The following CFAP57 variants were observed in gnomAD, a reference collection of about 807,000 sequenced individuals.
The protein encoded by CFAP57 is cilia- and flagella-associated protein 57.
A neutral mutation model predicts 146.8 loss-of-function variants in CFAP57; 116 were observed. That is an observed-to-expected ratio of 0.79 (90% CI 0.68 to 0.92). The LOEUF (loss-of-function observed/expected upper bound fraction) is 0.92. Among genes scored for constraint, CFAP57 ranks in the 40% least tolerant of loss-of-function variants. The pLI, the probability that CFAP57 is intolerant of heterozygous loss-of-function variation, is 0.00. For synonymous variants in CFAP57, 518 were observed against 552.8 expected (o/e 0.94, Z 0.88); for missense variants, 1,377 against 1,527.2 (o/e 0.90, Z 1.64).
In CFAP57 at chr1:43,234,350, A is replaced by G. The variant is rs1166504624; in HGVS notation, c.3198A>G (p.Glu1066=). 5 of 1,550,422 alleles carry G rather than the reference A, an allele frequency of 3.2e-6. No homozygotes were observed. The highest frequency in any genetic ancestry group is 3.9e-5 in the Admixed American group (2 of 50,976). The change falls in exon 20 of 23, where the codon GAA becomes GAG. Residue 1066 remains glutamate, a synonymous_variant. Transcript: ENST00000372492. ...ACAACTGCGTAGCCTATATTCAGGA[A>G]CCGCGGCTGCTGAAGGAGAAGGTTC... ...DLHNCVAYIQ[E]PRLLKEKVRG...
rs866683796 is a variant in CFAP57, at chr1:43,238,569, C to T, written c.3405+3931C>T. Among the ~76,000 whole-genome samples, 3 of 152,108 alleles carry T rather than the reference C, an allele frequency of 2.0e-5. No homozygotes were observed. The highest frequency in any genetic ancestry group is 4.4e-5 in the Non-Finnish European group (3 of 68,020). On this transcript the variant is annotated intron_variant, in intron 21 of 22. Coordinates refer to ENST00000372492, the MANE Select transcript of CFAP57 (RefSeq NM_001378189.1). The surrounding 1 kb of genome is among the most constrained non-coding windows in gnomAD (Gnocchi z 4.3). ...AGGGAGAGATCAGGAAGAGAAGGCT[C>T]GGCAAACCCATTGCATTCACATTTT...
chr1:43,207,102 A>G (rs1644392000), intron 10 of CFAP57, among the ~76,000 whole-genome samples, 170 bp downstream of exon 10: 1 of 152,208 alleles, frequency 6.6e-6, no homozygotes, highest in Admixed American at 6.5e-5. Flanking sequence ...AGTTATCGTC[A>G]CTTCCTGAAT....
chr1:43,197,658 G>T lies in CFAP57; in HGVS notation c.1228G>T (p.Asp410Tyr). 1 of 1,614,110 alleles carries T rather than the reference G, an allele frequency of 6.2e-7. No individual in the cohort carries two copies. The highest frequency in any genetic ancestry group is 8.5e-7 in the Non-Finnish European group (1 of 1,180,026). The change falls in exon 7 of 23, where the codon GAT becomes TAT. Residue 410 changes from aspartate to tyrosine, a missense_variant. Asp to Tyr is a radical substitution (Grantham distance 160). Transcript: ENST00000372492. ...ACCCCTTATAGCCACCTGTTCTCTG[G>T]ATCGATCCATCCGCCTTTGGAATTA... ...RKPLIATCSLDRSIRLWNYET... is the reference protein window; with the variant it reads ...RKPLIATCSLYRSIRLWNYET...
chr1:43,250,219 C>T (rs965295954), intron 22 of CFAP57: 1 of 152,098 alleles, frequency 6.6e-6, no homozygotes, highest in Non-Finnish European at 1.5e-5. Flanking sequence ...ATAATTTTAC[C>T]TTAGAACTCT....
At position 43,172,380 on chromosome 1, in the gene CFAP57, CG is replaced by C; in HGVS notation, c.-90del. Reference sequence around the variant, plus strand: ...AACCGCTACGGCGTTTGAAAGTGTCCGGGTTGCTTAGGATCCCTACAGGTAG... The same window carrying C: ...AACCGCTACGGCGTTTGAAAGTGTCCGGTTGCTTAGGATCCCTACAGGTAG... On this transcript the variant is annotated 5_prime_UTR_variant, in exon 1 of 23. Transcript: ENST00000372492. The C allele has an allele frequency of 6.4e-7, 1 of 1,551,480 alleles. No homozygotes were observed. Among genetic ancestry groups the C allele is most frequent in the African/African-American group, 1.4e-5 (1 of 73,080 alleles).
At chr1:43,202,484 A>G (rs1158768570) in intron 9 of CFAP57, among the ~76,000 whole-genome samples, 1 of 152,178 alleles carries the variant, frequency 6.6e-6, no homozygotes, top group Non-Finnish European at 1.5e-5. Context: ...TATAGACATT[A>G]AAAAGATCTG....
At chr1:43,221,707 T>C (rs752916471) in intron 14 of CFAP57, among the ~76,000 whole-genome samples, 7 of 152,226 alleles carry the variant, frequency 4.6e-5, no homozygotes, top group African/African-American at 7.2e-5. Flanking sequence ...GTTTGGAACC[T>C]GATAGTCTTG....
At chr1:43,198,777 G>A (rs2124426776) in intron 8 of CFAP57, 131 bp downstream of exon 8, 2 of 913,414 alleles carry the variant, frequency 2.2e-6, no homozygotes, top group Non-Finnish European at 3.4e-6. Context: ...TTAAAAAAAG[G>A]GGGAAGGAGG....
intron 12 of CFAP57, among the ~76,000 whole-genome samples, chr1:43,219,131 G>C (rs1185609429): frequency 1.3e-5 from 2 of 152,200 alleles, no homozygotes; most frequent in African/African-American, 4.8e-5. Flanking sequence ...AGATGCTTAA[G>C]CCGACTTGAA....
chr1:43,200,850 A>G (rs964998185), intron 9 of CFAP57, among the ~76,000 whole-genome samples: 1 of 152,218 alleles, frequency 6.6e-6, no homozygotes, highest in Non-Finnish European at 1.5e-5. Context: ...AGGTGACGAG[A>G]AACAACGGAA....
In CFAP57 at chr1:43,172,903, C is replaced by A; in HGVS notation, c.150C>A (p.Phe50Leu). 5.6e-6 allele frequency: 9 copies of A among 1,613,918 alleles called. No homozygotes were observed. Among genetic ancestry groups the A allele is most frequent in the South Asian group, 1.1e-5 (1 of 91,072 alleles). The change falls in exon 2 of 23, where the codon TTC becomes TTA. Residue 50 changes from phenylalanine (F) to leucine (L), a missense_variant. Coordinates refer to ENST00000372492, the MANE Select transcript of CFAP57 (RefSeq NM_001378189.1). Reference protein sequence around the residue: ...KYNVDQKWQKFIPGSEKSQGM... With the variant: ...KYNVDQKWQKLIPGSEKSQGM... ...ATGTGGATCAGAAATGGCAAAAATT[C>A]ATTCCAGGTAAAACTTTTTCCATCC...
At chr1:43,181,885 T>C (rs1199114019) in intron 3 of CFAP57, 35 bp downstream of exon 3, 2 of 1,606,592 alleles carry the variant, frequency 1.2e-6, no homozygotes, top group South Asian at 1.1e-5. Context: ...GTGAAAATTA[T>C]AAAAAATAGA....
chr1:43,232,078 C>T, intron 18 of CFAP57: 1 of 701,728 alleles, frequency 1.4e-6, no homozygotes, highest in Non-Finnish European at 2.6e-6. Flanking sequence ...TGACCCCATT[C>T]TAAAGTGGCC....
intron 18 of CFAP57, among the ~76,000 whole-genome samples, chr1:43,229,896 G>C (rs1645400496): frequency 6.6e-6 from 1 of 152,148 alleles, no homozygotes; most frequent in African/African-American, 2.4e-5. Flanking sequence ...GGTCCCCTGG[G>C]GGGTGCAAAA....
chr1:43,217,384 C>T (rs1392017090), intron 12 of CFAP57, among the ~76,000 whole-genome samples: 2 of 152,060 alleles, frequency 1.3e-5, no homozygotes, highest in East Asian at 1.9e-4. Flanking sequence ...TGTCAAAGGC[C>T]GGGTCATTCC....
chr1:43,206,455 C>A, intron 9 of CFAP57: 1 of 484,158 alleles, frequency 2.1e-6, no homozygotes, highest in Non-Finnish European at 3.7e-6. Flanking sequence ...TTGGTTCTAG[C>A]CTTAAGAAAC....
At chr1:43,184,961 G>A (rs1356202711) in intron 4 of CFAP57, 188 bp from the exon 5 acceptor site, 1 of 634,104 alleles carries the variant, frequency 1.6e-6, no homozygotes, top group African/African-American at 1.8e-5. Context: ...GCACTCTCTT[G>A]CTTCTAGGCT....
At chr1:43,233,566 C>T (rs1305506057) in intron 19 of CFAP57, among the ~76,000 whole-genome samples, 1 of 152,172 alleles carries the variant, frequency 6.6e-6, no homozygotes, top group Non-Finnish European at 1.5e-5. Context: ...ACACCAGCAG[C>T]TGCAGAGCTA....
At chr1:43,221,337 A>G (rs1645036290) in intron 13 of CFAP57, 35 bp from the exon 14 acceptor site, 2 of 1,465,736 alleles carry the variant, frequency 1.4e-6, no homozygotes, top group Non-Finnish European at 9.2e-7. Flanking sequence ...CTTTCAGCAG[A>G]TGTGTGTAAA....
Sources: gnomAD v4.1 joint callset for allele counts (sites outside exome capture counted in the v4.1 genomes callset) on GRCh38, gnomAD v4.1.1 for gene constraint, Gnocchi (gnomAD v3.1) non-coding constraint, MANE v1.5 for transcripts, NCBI Gene and HGNC (gene_info 2026-07-23, HGNC 2026-07-21) for gene names.